The following CNTNAP2 variants were observed in gnomAD, a reference collection of about 807,000 sequenced individuals.
The protein encoded by CNTNAP2 is contactin associated protein 2.
In CNTNAP2, 98 loss-of-function variants were observed where a neutral mutation model predicts 155.2. That is an observed-to-expected ratio of 0.63 (90% confidence interval 0.54 to 0.75). CNTNAP2 has a LOEUF of 0.75. Among genes scored for constraint, CNTNAP2 ranks in the 30% least tolerant of loss-of-function variants. The pLI, the probability that CNTNAP2 is intolerant of heterozygous loss-of-function variation, is 0.00. For synonymous variants in CNTNAP2, 651 were observed against 631.2 expected (o/e 1.03, Z -0.47); for missense variants, 1,727 against 1,688.1 (o/e 1.02, Z -0.40).
chr7:146,305,262 G>A (rs944511935), intron 1 of CNTNAP2, among the ~76,000 whole-genome samples: 1 of 152,112 alleles, frequency 6.6e-6, no homozygotes. Context: ...GTCGTCTGAA[G>A]CCTTCTTCTC....
At chr7:147,048,414 C>T (rs1799409847) in intron 4 of CNTNAP2, among the ~76,000 whole-genome samples, 1 of 152,152 alleles carries the variant, frequency 6.6e-6, no homozygotes. Context: ...CGATTTCACT[C>T]AGTGATGCTG....
At chr7:147,136,538 G>C (rs1801482566) in intron 8 of CNTNAP2, among the ~76,000 whole-genome samples, 1 of 151,826 alleles carries the variant, frequency 6.6e-6, no homozygotes, top group South Asian at 2.1e-4. Flanking sequence ...GGGAGGAGTG[G>C]GAGTTTTCTT....
intron 5 of CNTNAP2, among the ~76,000 whole-genome samples, chr7:147,114,075 A>C (rs1253968937): frequency 3.3e-5 from 5 of 152,144 alleles, no homozygotes; most frequent in Non-Finnish European, 7.4e-5. Flanking sequence ...TTATTTACCC[A>C]AGAGTCACTA....
chr7:147,765,982 C>G (rs1797376939), intron 13 of CNTNAP2, among the ~76,000 whole-genome samples: 1 of 152,140 alleles, frequency 6.6e-6, no homozygotes, highest in African/African-American at 2.4e-5. Context: ...ATGTAGTTGA[C>G]ACTACGATTT....
At chr7:147,102,610 G>T (rs747880310) in intron 4 of CNTNAP2, among the ~76,000 whole-genome samples, 1 of 152,072 alleles carries the variant, frequency 6.6e-6, no homozygotes, top group Non-Finnish European at 1.5e-5. Context: ...GAGCCTTGAG[G>T]TTTTTTGTTT....
intron 1 of CNTNAP2, among the ~76,000 whole-genome samples, chr7:146,433,019 A>G (rs949916825): frequency 4.6e-5 from 7 of 152,234 alleles, no homozygotes; most frequent in Non-Finnish European, 7.4e-5. Flanking sequence ...CCCCCAAACA[A>G]TGGTGTCTGG....
At chr7:146,150,422 A>C (rs763059031) in intron 1 of CNTNAP2, among the ~76,000 whole-genome samples, 1 of 152,130 alleles carries the variant, frequency 6.6e-6, no homozygotes, top group Non-Finnish European at 1.5e-5. Flanking sequence ...AGAAATAAAA[A>C]CATGTTTACA....
At chr7:148,177,550 C>T (rs920904124) in intron 18 of CNTNAP2, among the ~76,000 whole-genome samples, 2 of 152,198 alleles carry the variant, frequency 1.3e-5, no homozygotes, top group African/African-American at 4.8e-5. Context: ...AATTCTTGCT[C>T]TTAACAAGGA....
chr7:147,515,600 C>T (rs1274911884), intron 11 of CNTNAP2, among the ~76,000 whole-genome samples: 4 of 152,062 alleles, frequency 2.6e-5, no homozygotes, highest in Admixed American at 6.6e-5. Context: ...GGATTACAGG[C>T]GTGAACCACT....
chr7:146,250,010 C>G (rs1255260403), intron 1 of CNTNAP2, among the ~76,000 whole-genome samples: 4 of 152,114 alleles, frequency 2.6e-5, no homozygotes, highest in Non-Finnish European at 5.9e-5. Flanking sequence ...CCGTCTTTTT[C>G]TCTTGAAGAG....
intron 1 of CNTNAP2, among the ~76,000 whole-genome samples, chr7:146,222,442 G>A (rs1474588273): frequency 2.0e-5 from 3 of 151,968 alleles, no homozygotes; most frequent in Non-Finnish European, 4.4e-5. Context: ...TTAAAAAGAT[G>A]GAATTCCTGG....
At chr7:146,775,602 G>T (rs1802376364) in intron 2 of CNTNAP2, among the ~76,000 whole-genome samples, 1 of 150,012 alleles carries the variant, frequency 6.7e-6, no homozygotes. Flanking sequence ...GAGGAAGGAA[G>T]AAAGGAAGGA....
chr7:147,942,142 G>A (rs74437634), intron 14 of CNTNAP2, among the ~76,000 whole-genome samples: 8,375 of 152,222 alleles, frequency 0.055, 301 homozygotes, highest in South Asian at 0.13. Context: ...CTCACATCAG[G>A]TCTAGAAAAG....
At chr7:146,849,100 TAAAA>T (rs560937831) in intron 3 of CNTNAP2, among the ~76,000 whole-genome samples, 1 of 151,964 alleles carries the variant, frequency 6.6e-6, no homozygotes, top group East Asian at 1.9e-4. Context: ...CTTTTTAAAA[TAAAA>T]AAAACTCTGA....
intron 8 of CNTNAP2, among the ~76,000 whole-genome samples, chr7:147,299,804 G>A (rs1794907076): frequency 6.6e-6 from 1 of 152,174 alleles, no homozygotes; most frequent in South Asian, 2.1e-4. Context: ...CTCAGTGGCT[G>A]GATGCAGTGG....
At chr7:147,224,028 C>A (rs1803467013) in intron 8 of CNTNAP2, among the ~76,000 whole-genome samples, 1 of 96,086 alleles carries the variant, frequency 1.0e-5, no homozygotes, top group African/African-American at 5.3e-5. Context: ...TGGGTTGGCC[C>A]AAGGCCACCT....
At chr7:146,995,901 C>T (rs1798299675) in intron 3 of CNTNAP2, among the ~76,000 whole-genome samples, 1 of 151,842 alleles carries the variant, frequency 6.6e-6, no homozygotes, top group Non-Finnish European at 1.5e-5. Flanking sequence ...TATTTTTTTG[C>T]ATTTGTTGTC....
chr7:146,540,856 G>A (rs1797942686), intron 1 of CNTNAP2, among the ~76,000 whole-genome samples: 1 of 151,974 alleles, frequency 6.6e-6, no homozygotes, highest in South Asian at 2.1e-4. Context: ...CAGAATGCGT[G>A]TTTCATTATG....
intron 8 of CNTNAP2, among the ~76,000 whole-genome samples, chr7:147,215,020 CCTCA>C (rs1803235090): frequency 6.6e-6 from 1 of 151,936 alleles, no homozygotes; most frequent in Admixed American, 6.6e-5. Context: ...GTGAGAATTC[CCTCA>C]CTATCATGAG....
Sources: gnomAD v4.1 joint callset for allele counts (sites outside exome capture counted in the v4.1 genomes callset) on GRCh38, gnomAD v4.1.1 for gene constraint, MANE v1.5 for transcripts, NCBI Gene and HGNC (gene_info 2026-07-23, HGNC 2026-07-21) for gene names.